Variants in DPY19L2 observed in about 807,000 individuals in gnomAD.
The protein encoded by DPY19L2 is probable C-mannosyltransferase DPY19L2.
DPY19L2 carries 34 observed loss-of-function variants against 97.9 expected under a neutral mutation model. The observed-to-expected ratio is 0.35, with a 90% CI of 0.26 to 0.46. The LOEUF is 0.46. Ranked by LOEUF, DPY19L2 falls within the 20% of genes least tolerant of loss-of-function variation. The pLI is 1.00. For synonymous variants in DPY19L2, 230 were observed against 307.9 expected (o/e 0.75, Z 2.65); for missense variants, 623 against 911.4 (o/e 0.68, Z 4.07).
At chr12:63,637,481 G>A (rs1565817907) in intron 6 of DPY19L2, among the ~76,000 whole-genome samples, 1 of 151,856 alleles carries the variant, frequency 6.6e-6, no homozygotes, top group Non-Finnish European at 1.5e-5. Flanking sequence ...TAATAAAGAA[G>A]AAAAGAGAGA....
chr12:63,566,104 G>C (rs1877633141), intron 21 of DPY19L2, among the ~76,000 whole-genome samples: 1 of 152,036 alleles, frequency 6.6e-6, no homozygotes, highest in African/African-American at 2.4e-5. Flanking sequence ...GCAGTCCATA[G>C]ATAGGTTTTG....
intron 6 of DPY19L2, among the ~76,000 whole-genome samples, chr12:63,632,601 G>A (rs1394760906): frequency 1.3e-5 from 2 of 152,076 alleles, no homozygotes; most frequent in East Asian, 1.9e-4. Context: ...CATGCTCATG[G>A]GTAGGAAGAA....
At chr12:63,600,246 A>T (rs1052939160) in intron 13 of DPY19L2, 60 bp downstream of exon 13, 10 of 1,404,614 alleles carry the variant, frequency 7.1e-6, no homozygotes, top group African/African-American at 1.4e-5. Context: ...GATGGTTTCA[A>T]AGTTTTCATT....
chr12:63,656,435 G>C (rs2138252873), intron 4 of DPY19L2, among the ~76,000 whole-genome samples: 1 of 152,260 alleles, frequency 6.6e-6, no homozygotes, highest in South Asian at 2.1e-4. Flanking sequence ...TAGGCTTTGT[G>C]AGATAGTCTC....
At chr12:63,623,295 G>A (rs1342850286) in intron 8 of DPY19L2, among the ~76,000 whole-genome samples, 1 of 151,650 alleles carries the variant, frequency 6.6e-6, no homozygotes, top group African/African-American at 2.4e-5. Flanking sequence ...TAGAAACATT[G>A]GTTGTTCAGA....
At chr12:63,658,652 A>G (rs4044625) in intron 4 of DPY19L2, among the ~76,000 whole-genome samples, 1 of 152,120 alleles carries the variant, frequency 6.6e-6, no homozygotes, top group Non-Finnish European at 1.5e-5. Flanking sequence ...TACTGCTTCC[A>G]CCTGACCAAA....
chr12:63,563,186 G>T (rs1298890008), intron 21 of DPY19L2, among the ~76,000 whole-genome samples: 1 of 151,968 alleles, frequency 6.6e-6, no homozygotes, highest in African/African-American at 2.4e-5. Context: ...TCAGACATAG[G>T]CTTTGAAAAT....
chr12:63,619,728 C>A (rs1315881777), intron 9 of DPY19L2, among the ~76,000 whole-genome samples: 1 of 152,096 alleles, frequency 6.6e-6, no homozygotes, highest in African/African-American at 2.4e-5. Context: ...TGGTCTTGAA[C>A]TCCTGACCTC....
At chr12:63,636,120 A>G (rs992898200) in intron 6 of DPY19L2, among the ~76,000 whole-genome samples, 1 of 152,122 alleles carries the variant, frequency 6.6e-6, no homozygotes, top group Non-Finnish European at 1.5e-5. Context: ...GGCGGCCAAT[A>G]TTCAACATTC....
intron 19 of DPY19L2, among the ~76,000 whole-genome samples, chr12:63,571,837 C>A (rs1393947114): frequency 6.6e-6 from 1 of 152,130 alleles, no homozygotes; most frequent in Non-Finnish European, 1.5e-5. Flanking sequence ...CTTCCTGGTA[C>A]TTTTGTATAA....
At chr12:63,577,809 T>C (rs1880128190) in intron 19 of DPY19L2, among the ~76,000 whole-genome samples, 1 of 152,074 alleles carries the variant, frequency 6.6e-6, no homozygotes, top group African/African-American at 2.4e-5. Flanking sequence ...CAGGAAACGA[T>C]GTGGAGAAAA....
intron 6 of DPY19L2, among the ~76,000 whole-genome samples, chr12:63,630,203 T>C (rs1328455101): frequency 6.6e-6 from 1 of 152,130 alleles, no homozygotes; most frequent in East Asian, 1.9e-4. Flanking sequence ...CAGGATCAAA[T>C]TTACACATAA....
At chr12:63,582,722 T>G (rs2137377523) in intron 17 of DPY19L2, among the ~76,000 whole-genome samples, 197 bp from the exon 18 acceptor site, 1 of 152,310 alleles carries the variant, frequency 6.6e-6, no homozygotes, top group South Asian at 2.1e-4. Flanking sequence ...GATACAGCAG[T>G]GAGCAATTTC....
chr12:63,587,071 TA>T (rs35419872), intron 16 of DPY19L2, among the ~76,000 whole-genome samples: 1 of 140,656 alleles, frequency 7.1e-6, no homozygotes, highest in African/African-American at 2.6e-5. Context: ...ACAAAAATGT[TA>T]AAAAAAAGCA....
At chr12:63,596,066 T>C in intron 14 of DPY19L2, 29 bp from the exon 15 acceptor site, 1 of 1,563,760 alleles carries the variant, frequency 6.4e-7, no homozygotes, top group African/African-American at 1.4e-5. Flanking sequence ...TTCAAAATGG[T>C]TACTTACAAT....
At chr12:63,638,143 C>T (rs12318930) in intron 6 of DPY19L2, among the ~76,000 whole-genome samples, 11,669 of 152,016 alleles carry the variant, frequency 0.077, 1,063 homozygotes, top group African/African-American at 0.23. Flanking sequence ...AAAAGGCCTT[C>T]GACAAAATTC....
Position 63,668,110 on chromosome 12 carries a change from T to C in DPY19L2, c.284A>G (p.Lys95Arg). The C allele has an allele frequency of 6.2e-7, 1 of 1,613,898 alleles. No homozygotes were observed. Among genetic ancestry groups the C allele is most frequent in the Non-Finnish European group, 8.5e-7 (1 of 1,179,878 alleles). ...VRNSLAQLRE[K>R]VQELQARRFS... ...CCGCCGCGCCTGCAGTTCCTGCACC[T>C]TTTCCCGGAGCTGCGCCAGGGAATT... is the stretch of plus-strand genomic sequence containing the variant. The change falls in exon 1 of 22, where the codon AAG (lysine) becomes AGG (arginine). Residue 95 changes from lysine (K) to arginine (R), a missense_variant. Lys to Arg is a conservative substitution (Grantham distance 26, BLOSUM62 2). Coordinates refer to ENST00000324472, the MANE Select transcript of DPY19L2 (RefSeq NM_173812.5).
chr12:63,649,325 A>G (rs1893861271), intron 4 of DPY19L2, among the ~76,000 whole-genome samples: 1 of 152,106 alleles, frequency 6.6e-6, no homozygotes, highest in East Asian at 1.9e-4. Flanking sequence ...AAATAACCAA[A>G]TCAGAGATGA....
At position 63,626,538 on chromosome 12, in the gene DPY19L2, A is replaced by T; in HGVS notation, c.804-12T>A. On this transcript the variant is annotated splice_polypyrimidine_tract_variant and intron_variant, in intron 6 of 21. Coordinates refer to ENST00000324472, the MANE Select transcript of DPY19L2 (RefSeq NM_173812.5). ...CCAGTTGAGTCCCACTGTAAAAAAAAAACAAAAAAAACAGAGAATACAATC... is the reference window on the plus strand; with the variant it reads ...CCAGTTGAGTCCCACTGTAAAAAAATAACAAAAAAAACAGAGAATACAATC... 2.0e-6 allele frequency: 3 copies of T among 1,530,220 alleles called. No homozygotes were observed. Among genetic ancestry groups the T allele is most frequent in the Non-Finnish European group, 2.6e-6 (3 of 1,141,244 alleles). 94.8% of individuals were successfully genotyped at this position (1,530,220 alleles called of 1,614,324 possible).
Sources: gnomAD v4.1 joint callset for allele counts (sites outside exome capture counted in the v4.1 genomes callset) on GRCh38, gnomAD v4.1.1 for gene constraint, MANE v1.5 for transcripts, NCBI Gene and HGNC (gene_info 2026-07-23, HGNC 2026-07-21) for gene names.